EWSR1: variants seen among roughly 807,000 people sequenced by gnomAD.
EWSR1 encodes the protein RNA-binding protein EWS.
In EWSR1, 14 loss-of-function variants were observed where a neutral mutation model predicts 92.1. The observed-to-expected ratio is 0.15, with a 90% confidence interval of 0.10 to 0.24. The LOEUF is 0.24. Among genes scored for constraint, EWSR1 ranks in the 10% least tolerant of loss-of-function variants. The pLI is 1.00. For missense variants in EWSR1, 637 were observed against 870.9 expected (o/e 0.73, Z 3.38); for synonymous variants, 303 against 292.9 (o/e 1.03, Z -0.35).
At chr22:29,270,209 A>G (rs1482462178) in intron 1 of EWSR1, among the ~76,000 whole-genome samples, 2 of 152,226 alleles carry the variant, frequency 1.3e-5, no homozygotes, top group Non-Finnish European at 2.9e-5. Flanking sequence ...CCTTGGGTTA[A>G]TAATAGAAGT....
In EWSR1 at chr22:29,291,604, GTT is replaced by G; in HGVS notation, c.1012+9_1012+10del. 6.2e-7 allele frequency: 1 copy of G among 1,613,130 alleles called. No individual in the cohort carries two copies. Among genetic ancestry groups the G allele is most frequent in the Non-Finnish European group, 8.5e-7 (1 of 1,179,562 alleles). ...GTGGCTTCAATAAGCCTGGTGGTAAGTTTTTGAGTATTACCATAGATAGTGTT... is the reference window on the plus strand; with the variant it reads ...GTGGCTTCAATAAGCCTGGTGGTAAGTTTGAGTATTACCATAGATAGTGTT... On this transcript the variant is annotated splice_donor_region_variant and intron_variant, in intron 9 of 16. Coordinates refer to ENST00000397938, the MANE Select transcript of EWSR1 (RefSeq NM_005243.4).
rs545821161 is a variant in EWSR1, at chr22:29,292,617, G to C, written c.1164+11G>C. ...TGTGGGGTTGTTAAGGTCAGTAAAA[G>C]CATAACCAGGTCATCTGGCAGAACT... On this transcript the variant is annotated intron_variant, in intron 11 of 16. Transcript: ENST00000397938. The C allele has an allele frequency of 1.3e-6, 2 of 1,529,018 alleles. No individual in the cohort carries two copies. Among genetic ancestry groups the C allele is most frequent in the Non-Finnish European group, 1.8e-6 (2 of 1,103,748 alleles). The allele number at this position is 1,529,018 out of a possible 1,614,324, so 94.7% of individuals were successfully genotyped here.
intron 4 of EWSR1, chr22:29,276,615 T>C (rs1490790978): frequency 4.4e-6 from 1 of 226,938 alleles, no homozygotes; most frequent in Non-Finnish European, 8.8e-6. Flanking sequence ...AAGCTTTTTC[T>C]TTAGTGAGAT....
At chr22:29,291,718 C>A in intron 9 of EWSR1, 119 bp downstream of exon 9, 1 of 888,756 alleles carries the variant, frequency 1.1e-6, no homozygotes, top group Non-Finnish European at 1.7e-6. Flanking sequence ...ACAAAAGAGA[C>A]TAATGGGTAC....
intron 4 of EWSR1, chr22:29,276,047 T>C (rs1453835713): frequency 4.3e-6 from 1 of 231,554 alleles, no homozygotes; most frequent in African/African-American, 2.2e-5. Context: ...ACCCAGTGTC[T>C]ATTGCTGTAA....
intron 10 of EWSR1, 134 bp downstream of exon 10, chr22:29,292,303 C>A: frequency 9.3e-7 from 1 of 1,077,154 alleles, no homozygotes; most frequent in Non-Finnish European, 1.4e-6. Context: ...TTGGGAAATC[C>A]TATGTGAGCA....
In EWSR1 at chr22:29,298,840, C is replaced by T. The variant is rs756545471; in HGVS notation, c.1525C>T (p.Pro509Ser). 1.3e-6 allele frequency: 2 copies of T among 1,591,130 alleles called. No individual in the cohort carries two copies. The highest frequency in any genetic ancestry group is 1.7e-6 in the Non-Finnish European group (2 of 1,173,254). ...AGGACCCCGGGGTTCCCGAGGGAAC[C>T]CCTCTGGAGGAGGAAACGTCCAGCA... ...PRGPRGSRGN[P>S]SGGGNVQHRA... The change falls in exon 14 of 17, where the codon CCC (proline) becomes TCC (serine). Residue 509 changes from proline (P) to serine (S), a missense_variant. Pro to Ser is a moderately conservative substitution (Grantham distance 74, BLOSUM62 -1). Coordinates refer to ENST00000397938, the MANE Select transcript of EWSR1 (RefSeq NM_005243.4).
intron 6 of EWSR1, 51 bp from the exon 7 acceptor site, chr22:29,286,869 TAAC>T (rs751409967): frequency 1.6e-5 from 23 of 1,409,320 alleles, no homozygotes; most frequent in South Asian, 2.4e-5. Flanking sequence ...GGATTTGAAA[TAAC>T]AAGCCTCTTT....
At position 29,292,186 on chromosome 22, in the gene EWSR1, G is replaced by A. The variant is rs754276785; in HGVS notation, c.1045+17G>A. 1.2e-6 allele frequency: 2 copies of A among 1,613,016 alleles called. No homozygotes were observed. Among genetic ancestry groups the A allele is most frequent in the Non-Finnish European group, 1.7e-6 (2 of 1,178,968 alleles). ...TTGATCTAGGTAATTTTGAATTCTA[G>A]TTGTGCTTCATATCGTGCTTTGTAA... On this transcript the variant is annotated intron_variant, in intron 10 of 16. Coordinates refer to ENST00000397938, the MANE Select transcript of EWSR1 (RefSeq NM_005243.4).
At chr22:29,274,900 T>C (rs2058981228) in intron 4 of EWSR1, among the ~76,000 whole-genome samples, 1 of 152,236 alleles carries the variant, frequency 6.6e-6, no homozygotes, top group African/African-American at 2.4e-5. Context: ...CCTTTTATTA[T>C]TGCTGTTATA....
chr22:29,300,163 T>A lies in EWSR1; in HGVS notation c.*2T>A, dbSNP rs139786904. On this transcript the variant is annotated 3_prime_UTR_variant, in exon 17 of 17. Coordinates refer to ENST00000397938, the MANE Select transcript of EWSR1 (RefSeq NM_005243.4). Reference sequence around the variant, plus strand: ...GAGCGCAGAGATCGGCCCTACTAGATGCAGAGACCCCGCAGAGCTGCATTG... The same window carrying A: ...GAGCGCAGAGATCGGCCCTACTAGAAGCAGAGACCCCGCAGAGCTGCATTG... 11 of 1,607,334 alleles carry A rather than the reference T, an allele frequency of 6.8e-6. No homozygotes were observed. The highest frequency in any genetic ancestry group is 9.3e-6 in the Non-Finnish European group (11 of 1,178,828).
intron 1 of EWSR1, 119 bp downstream of exon 1, chr22:29,268,468 C>G: frequency 6.4e-7 from 1 of 1,552,000 alleles, no homozygotes; most frequent in Non-Finnish European, 8.9e-7. Flanking sequence ...GGTTGAGGCA[C>G]CCGCCGCGGC....
chr22:29,298,061 C>G, intron 13 of EWSR1, 112 bp downstream of exon 13: 1 of 1,209,890 alleles, frequency 8.3e-7, no homozygotes, highest in Non-Finnish European at 1.1e-6. Context: ...AGAGTCAATA[C>G]TAGACTATCG....
At chr22:29,272,329 G>C in intron 2 of EWSR1, 51 bp from the exon 3 acceptor site, 1 of 1,609,064 alleles carries the variant, frequency 6.2e-7, no homozygotes, top group Non-Finnish European at 8.5e-7. Flanking sequence ...AATTGTAGAG[G>C]TGGTATTTGA....
Position 29,300,369 on chromosome 22 carries a change from A to G in EWSR1, c.*208A>G. Reference sequence around the variant, plus strand: ...GAGTTTTTTTTTCTTCCTTCTTTTAAAAATGGTTGTTTAAGACTTTAACAA... The same window carrying G: ...GAGTTTTTTTTTCTTCCTTCTTTTAGAAATGGTTGTTTAAGACTTTAACAA... On this transcript the variant is annotated 3_prime_UTR_variant, in exon 17 of 17. Coordinates refer to ENST00000397938, the MANE Select transcript of EWSR1 (RefSeq NM_005243.4). 1 of 523,336 alleles carries G rather than the reference A, an allele frequency of 1.9e-6. No individual in the cohort carries two copies. Among genetic ancestry groups the G allele is most frequent in the South Asian group, 3.2e-5 (1 of 30,958 alleles). 32.4% of individuals were successfully genotyped at this position (523,336 alleles called of 1,614,324 possible). A position where few individuals can be genotyped will look rare whatever the true frequency, so the allele number is the denominator to read the frequency against.
intron 11 of EWSR1, 109 bp from the exon 12 acceptor site, chr22:29,296,130 G>T: frequency 9.4e-7 from 1 of 1,065,720 alleles, no homozygotes; most frequent in Non-Finnish European, 1.3e-6. Context: ...GTGACATTTA[G>T]TGACTTACTA....
chr22:29,289,437 A>G (rs921091095), intron 8 of EWSR1: 2 of 231,996 alleles, frequency 8.6e-6, no homozygotes, highest in East Asian at 1.2e-4. Context: ...TGATGGCACA[A>G]TCTGGTTTAG....
intron 8 of EWSR1, chr22:29,290,683 AAGAG>A (rs1286060340): frequency 1.3e-5 from 18 of 1,362,598 alleles, no homozygotes; most frequent in East Asian, 8.0e-5. Context: ...TTTGTGTTTA[AAGAG>A]AGAGAACATT....
chr22:29,274,387 C>G, intron 4 of EWSR1: 1 of 1,270,366 alleles, frequency 7.9e-7, no homozygotes. Context: ...CCCAAACTTT[C>G]TAACATCACA....
Sources: gnomAD v4.1 joint callset for allele counts (sites outside exome capture counted in the v4.1 genomes callset) on GRCh38, gnomAD v4.1.1 for gene constraint, MANE v1.5 for transcripts, NCBI Gene and HGNC (gene_info 2026-07-23, HGNC 2026-07-21) for gene names.